PARM1: variants seen among roughly 807,000 people sequenced by gnomAD.
PARM1 encodes prostate androgen-regulated mucin-like protein 1.
A neutral mutation model predicts 24.6 loss-of-function variants in PARM1; 14 were observed. The observed-to-expected ratio is 0.57, with a 90% CI of 0.38 to 0.89. The LOEUF (loss-of-function observed/expected upper bound fraction) is 0.89. PARM1 is among the 40% of genes least tolerant of loss of function. The probability of loss-of-function intolerance (pLI) is 0.00; values close to 1 mark genes in which losing one functional copy is unlikely to be tolerated. For missense variants in PARM1, 362 were observed against 380.4 expected, an observed-to-expected ratio of 0.95 and a Z score of 0.40; for synonymous variants, 179 against 156.6, an observed-to-expected ratio of 1.14 and a Z score of -1.07.
chr4:75,016,262 G>C (rs547419242), intron 2 of PARM1, among the ~76,000 whole-genome samples: 1 of 152,282 alleles, frequency 6.6e-6, no homozygotes, highest in Non-Finnish European at 1.5e-5. Flanking sequence ...AAGGAACCAA[G>C]AGCACGATCA....
At chr4:75,021,177 C>T (rs574210630) in intron 2 of PARM1, among the ~76,000 whole-genome samples, 25 of 152,296 alleles carry the variant, frequency 1.6e-4, no homozygotes, top group South Asian at 4.1e-4. Context: ...AATAAATTCA[C>T]GTATTGTGTT....
At chr4:74,961,203 G>A (rs1721767046) in intron 1 of PARM1, among the ~76,000 whole-genome samples, 1 of 152,136 alleles carries the variant, frequency 6.6e-6, no homozygotes, top group East Asian at 1.9e-4. Context: ...TGAGCAGACT[G>A]AAGAAGGAAT....
At chr4:75,019,620 A>G (rs997244402) in intron 2 of PARM1, among the ~76,000 whole-genome samples, 5 of 152,252 alleles carry the variant, frequency 3.3e-5, no homozygotes, top group East Asian at 1.9e-4. Context: ...CCTGCAAGGG[A>G]CTTTCAGCTC....
chr4:74,992,270 T>C (rs951287645), intron 1 of PARM1, among the ~76,000 whole-genome samples: 1 of 151,900 alleles, frequency 6.6e-6, no homozygotes, highest in Non-Finnish European at 1.5e-5. Context: ...AAAAAATGAG[T>C]AAATTTGAAG....
intron 1 of PARM1, among the ~76,000 whole-genome samples, chr4:74,984,048 C>T (rs2109774290): frequency 6.6e-6 from 1 of 152,324 alleles, no homozygotes; most frequent in African/African-American, 2.4e-5. Flanking sequence ...TGTGCCACCA[C>T]ATTTGGCTTT....
At chr4:74,988,889 A>G (rs1213524571) in intron 1 of PARM1, among the ~76,000 whole-genome samples, 3 of 152,294 alleles carry the variant, frequency 2.0e-5, no homozygotes, top group South Asian at 2.1e-4. Flanking sequence ...AAGCACAATG[A>G]TTAAGATTAC....
At chr4:75,022,751 C>T (rs1723110724) in intron 2 of PARM1, among the ~76,000 whole-genome samples, 1 of 152,174 alleles carries the variant, frequency 6.6e-6, no homozygotes, top group Admixed American at 6.5e-5. Flanking sequence ...GTACTCTAAT[C>T]TTCCAACTCA....
At chr4:74,978,277 A>G (rs896879168) in intron 1 of PARM1, among the ~76,000 whole-genome samples, 12 of 152,334 alleles carry the variant, frequency 7.9e-5, no homozygotes, top group Admixed American at 3.9e-4. Flanking sequence ...AGGAAAATTT[A>G]CCAAGCACAT....
At chr4:75,038,443 A>G (rs1723413174) in intron 3 of PARM1, among the ~76,000 whole-genome samples, 1 of 152,176 alleles carries the variant, frequency 6.6e-6, no homozygotes, top group African/African-American at 2.4e-5. Flanking sequence ...CCACCAACAC[A>G]TAGGCTGTGA....
chr4:74,988,176 G>A (rs1194624124), intron 1 of PARM1, among the ~76,000 whole-genome samples: 1 of 152,206 alleles, frequency 6.6e-6, no homozygotes, highest in Non-Finnish European at 1.5e-5. Context: ...TTACACAACT[G>A]TAGGAGAGGT....
intron 2 of PARM1, among the ~76,000 whole-genome samples, chr4:75,015,163 A>T (rs996418508): frequency 2.0e-5 from 3 of 152,190 alleles, no homozygotes; most frequent in African/African-American, 7.2e-5. Flanking sequence ...CTTAGCATAC[A>T]TGAATCTCTA....
At chr4:74,933,404 G>T (rs1184477703) in intron 1 of PARM1, 34 bp downstream of exon 1, 15 of 1,599,202 alleles carry the variant, frequency 9.4e-6, no homozygotes, top group Non-Finnish European at 1.1e-5. Context: ...AGGGCAGGTC[G>T]CGGGGTGGGC....
At chr4:74,977,552 A>G (rs1231760116) in intron 1 of PARM1, among the ~76,000 whole-genome samples, 1 of 152,252 alleles carries the variant, frequency 6.6e-6, no homozygotes, top group Non-Finnish European at 1.5e-5. Context: ...TCAGGATATC[A>G]TTCAGAAAAA....
At chr4:75,043,854 G>C (rs1166216692) in intron 3 of PARM1, among the ~76,000 whole-genome samples, 1 of 152,072 alleles carries the variant, frequency 6.6e-6, no homozygotes, top group Non-Finnish European at 1.5e-5. Context: ...GGTGTTTCTG[G>C]GTTTCTATTT....
intron 1 of PARM1, among the ~76,000 whole-genome samples, chr4:74,988,941 G>A (rs571008236): frequency 6.6e-6 from 1 of 152,330 alleles, no homozygotes; most frequent in Non-Finnish European, 1.5e-5. Flanking sequence ...AGGGCATTTT[G>A]TGCTGAAGGG....
chr4:75,041,462 A>G (rs1008887169), intron 3 of PARM1, among the ~76,000 whole-genome samples: 1 of 152,196 alleles, frequency 6.6e-6, no homozygotes, highest in Non-Finnish European at 1.5e-5. Context: ...GACTTGCTTG[A>G]CTAAAGAGGA....
chr4:74,991,798 G>T (rs1485456954), intron 1 of PARM1, among the ~76,000 whole-genome samples: 4 of 152,176 alleles, frequency 2.6e-5, no homozygotes, highest in African/African-American at 9.6e-5. Context: ...TTAACTGCAA[G>T]CTGAGAGAAT....
chr4:74,949,031 C>CA (rs1283847600), intron 1 of PARM1, among the ~76,000 whole-genome samples: 1 of 151,492 alleles, frequency 6.6e-6, no homozygotes, highest in South Asian at 2.1e-4. Flanking sequence ...CAAAAAAAAA[C>CA]AAAAAACAAA....
chr4:74,951,030 C>T (rs796358094), intron 1 of PARM1, among the ~76,000 whole-genome samples: 5 of 152,314 alleles, frequency 3.3e-5, no homozygotes, highest in African/African-American at 1.2e-4. Flanking sequence ...AACCAACAGT[C>T]TAAATTGATG....
Sources: allele counts gnomAD v4.1 joint callset (sites outside exome capture counted in the v4.1 genomes callset), GRCh38; gene constraint gnomAD v4.1.1; transcripts MANE v1.5; gene names NCBI Gene and HGNC (gene_info 2026-07-23, HGNC 2026-07-21).